Variants in PTPRD observed in about 807,000 individuals in gnomAD.
The protein encoded by PTPRD is protein tyrosine phosphatase receptor type D.
In PTPRD, 34 loss-of-function variants were observed where a neutral mutation model predicts 214.5. The observed-to-expected ratio is 0.16, with a 90% CI of 0.12 to 0.21. The LOEUF is 0.21. Among genes scored for constraint, PTPRD ranks in the 10% least tolerant of loss-of-function variants. The pLI is 1.00. For synonymous variants in PTPRD, 1,128 were observed against 845.7 expected (o/e 1.33, Z -5.79); for missense variants, 2,545 against 2,398.7 (o/e 1.06, Z -1.27).
chr9:9,841,699 T>C (rs1427506758), intron 5 of PTPRD, among the ~76,000 whole-genome samples: 2 of 152,256 alleles, frequency 1.3e-5, no homozygotes, highest in Admixed American at 6.5e-5. Flanking sequence ...AAACTAAAAA[T>C]AGAATCTGAC....
At chr9:9,725,607 T>C (rs1050052078) in intron 7 of PTPRD, among the ~76,000 whole-genome samples, 38 of 152,160 alleles carry the variant, frequency 2.5e-4, no homozygotes, top group African/African-American at 8.2e-4. Flanking sequence ...TCCATTTTTG[T>C]CTCATATTCT....
intron 11 of PTPRD, among the ~76,000 whole-genome samples, chr9:8,782,679 C>G (rs1161448624): frequency 3.3e-5 from 5 of 151,114 alleles, no homozygotes; most frequent in South Asian, 4.2e-4. Context: ...CTCACTGCAA[C>G]CTCCACCTCC....
rs535241687 is a variant in PTPRD at position 9,458,389 on chromosome 9, T to C, written c.-236-60907A>G. On this transcript the variant is annotated intron_variant, in intron 8 of 45. Coordinates refer to ENST00000381196, the MANE Select transcript of PTPRD (RefSeq NM_002839.4). ...AAACGTTTATTTTTTACTAACATTGTATGGTTTTAACAAAAAAAAATTGTA... is the reference window on the plus strand; with the variant it reads ...AAACGTTTATTTTTTACTAACATTGCATGGTTTTAACAAAAAAAAATTGTA... Among the ~76,000 whole-genome samples the C allele has an allele frequency of 5.3e-4, 81 of 152,216 alleles. No homozygotes were observed. In the Middle Eastern group the frequency reaches 0.01, roughly 19 times the overall value.
intron 4 of PTPRD, among the ~76,000 whole-genome samples, chr9:9,980,119 T>C (rs1284613675): frequency 3.9e-5 from 6 of 152,146 alleles, no homozygotes; most frequent in Non-Finnish European, 7.4e-5. Context: ...AAAAAATCAA[T>C]ATTTCAAAAT....
chr9:8,768,524 G>T (rs1002882801), intron 11 of PTPRD, among the ~76,000 whole-genome samples: 2 of 152,256 alleles, frequency 1.3e-5, no homozygotes, highest in African/African-American at 4.8e-5. Flanking sequence ...CTGTACTTCA[G>T]CCTGGGTGAC....
At chr9:9,686,068 T>C (rs2097161515) in intron 7 of PTPRD, among the ~76,000 whole-genome samples, 1 of 151,444 alleles carries the variant, frequency 6.6e-6, no homozygotes, top group Non-Finnish European at 1.5e-5. Flanking sequence ...CAGAAATATA[T>C]ATTAAGTTAT....
intron 5 of PTPRD, among the ~76,000 whole-genome samples, chr9:9,815,658 G>A (rs2048518292): frequency 6.6e-6 from 1 of 152,110 alleles, no homozygotes. Flanking sequence ...GATACATATA[G>A]TGATGTATGA....
At chr9:9,878,871 T>C (rs78339929) in intron 5 of PTPRD, among the ~76,000 whole-genome samples, 4,711 of 152,242 alleles carry the variant, frequency 0.031, 245 homozygotes, top group African/African-American at 0.11. Context: ...TTTACCTTCC[T>C]CCTTCCCTCC....
rs200053760 is a variant in PTPRD, at chr9:9,430,210, C to G, written c.-236-32728G>C. 3.0e-4 allele frequency among the ~76,000 whole-genome samples: 45 copies of G among 152,220 alleles called. 1 individual carries two copies. In the Middle Eastern group the frequency reaches 0.02, roughly 69 times the overall value. On this transcript the variant is annotated intron_variant, in intron 8 of 45. Coordinates refer to ENST00000381196, the MANE Select transcript of PTPRD (RefSeq NM_002839.4). ...ATAAGCAACTTCAGCAAAGTCTCAGCATACAAAATCAATGTGCAAAAATCA... is the reference window on the plus strand; with the variant it reads ...ATAAGCAACTTCAGCAAAGTCTCAGGATACAAAATCAATGTGCAAAAATCA...
chr9:9,935,813 C>T (rs1368740072), intron 5 of PTPRD, among the ~76,000 whole-genome samples: 6 of 149,208 alleles, frequency 4.0e-5, no homozygotes, highest in Non-Finnish European at 8.8e-5. Flanking sequence ...CATCACACTA[C>T]CTGACTTCAA....
At chr9:9,109,341 T>A in intron 10 of PTPRD, among the ~76,000 whole-genome samples, 1 of 152,140 alleles carries the variant, frequency 6.6e-6, no homozygotes. Context: ...TGCTGAAGAA[T>A]GGTCATGAAG....
intron 2 of PTPRD, among the ~76,000 whole-genome samples, chr9:10,500,184 T>G (rs1364728507): frequency 2.0e-5 from 3 of 151,930 alleles, no homozygotes; most frequent in African/African-American, 7.2e-5. Context: ...TGTATTACAT[T>G]TGGTTCTTGC....
rs33937021 is a variant in PTPRD at position 9,062,556 on chromosome 9, T to TTATC, written c.-142-43825_-142-43822dup. Among the ~76,000 whole-genome samples the TTATC allele has an allele frequency of 4.0e-3, 595 of 149,658 alleles. 5 individuals are homozygous for TTATC. Among genetic ancestry groups the TTATC allele is most frequent in the African/African-American group, 0.014 (572 of 40,024 alleles). On this transcript the variant is annotated intron_variant, in intron 10 of 45. Coordinates refer to ENST00000381196, the MANE Select transcript of PTPRD (RefSeq NM_002839.4). ...TTCTATCTCTGCATCTCTCCATATATTATCTATCTATCTATCTATCTATCT... is the reference window on the plus strand; with the variant it reads ...TTCTATCTCTGCATCTCTCCATATATTATCTATCTATCTATCTATCTATCTATCT...
chr9:8,344,939 T>G (rs1290561598), intron 39 of PTPRD, among the ~76,000 whole-genome samples: 4 of 51,394 alleles, frequency 7.8e-5, no homozygotes, highest in South Asian at 1.1e-3. Context: ...GGCAGTTACT[T>G]TCTAGGTACA....
intron 8 of PTPRD, among the ~76,000 whole-genome samples, chr9:9,554,574 T>C (rs964036213): frequency 6.6e-6 from 1 of 151,946 alleles, no homozygotes; most frequent in African/African-American, 2.4e-5. Context: ...AAATGAACAA[T>C]CACACTCCTC....
At chr9:8,493,803 T>A (rs2097197802) in intron 26 of PTPRD, among the ~76,000 whole-genome samples, 1 of 152,172 alleles carries the variant, frequency 6.6e-6, no homozygotes, top group African/African-American at 2.4e-5. Context: ...TTCTTAGTTT[T>A]CTCTTAGTCA....
chr9:9,353,703 A>G (rs1336441529), intron 9 of PTPRD, among the ~76,000 whole-genome samples: 1 of 151,886 alleles, frequency 6.6e-6, no homozygotes, highest in Non-Finnish European at 1.5e-5. Flanking sequence ...GTTTAAAGGT[A>G]AAACAGAGAA....
At chr9:8,676,774 A>G (rs1351889057) in intron 12 of PTPRD, among the ~76,000 whole-genome samples, 2 of 152,014 alleles carry the variant, frequency 1.3e-5, no homozygotes, top group Non-Finnish European at 1.5e-5. Context: ...GGGTTTCTCC[A>G]TTTTGGTCAA....
rs147601049 is a variant in PTPRD at position 9,970,462 on chromosome 9, GA to G, written c.-471-31853del. Among the ~76,000 whole-genome samples the G allele has an allele frequency of 8.6e-4, 125 of 144,516 alleles. 1 individual carries two copies. The highest frequency in any genetic ancestry group is 2.6e-3 in the African/African-American group (98 of 38,058). The allele number at this position is 144,516 out of a possible 152,430, so 94.8% of individuals were successfully genotyped here. ...AAAAAAAGAAAAAGAAAAAGAAAAA[GA>G]AAAAAAAAATTACTTTTGTGGTTGA... On this transcript the variant is annotated intron_variant, in intron 4 of 45. Coordinates refer to ENST00000381196, the MANE Select transcript of PTPRD (RefSeq NM_002839.4).
Sources: allele counts gnomAD v4.1 joint callset (sites outside exome capture counted in the v4.1 genomes callset), GRCh38; gene constraint gnomAD v4.1.1; transcripts MANE v1.5; gene names NCBI Gene and HGNC (gene_info 2026-07-23, HGNC 2026-07-21).